The following ROR1 variants were observed in gnomAD, a reference collection of about 807,000 sequenced individuals.
The protein encoded by ROR1 is inactive tyrosine-protein kinase transmembrane receptor ROR1.
ROR1 carries 19 observed loss-of-function variants against 78.8 expected under a neutral mutation model. The ratio of observed to expected loss-of-function variants is 0.24; its 90% confidence interval spans 0.17 to 0.35. The LOEUF is 0.35. Ranked by LOEUF, ROR1 falls within the 10% of genes least tolerant of loss-of-function variation. ROR1 has a pLI of 1.00. For missense variants in ROR1, 917 were observed against 1,177.8 expected (o/e 0.78, Z 3.24); for synonymous variants, 386 against 433.6 (o/e 0.89, Z 1.36).
intron 1 of ROR1, among the ~76,000 whole-genome samples, chr1:63,868,127 G>GTTT (rs146709078): frequency 3.8e-4 from 58 of 151,810 alleles, no homozygotes; most frequent in African/African-American, 1.2e-3. Context: ...TACTAGCGCA[G>GTTT]TTTTTGTTGT....
At chr1:64,027,731 A>G (rs116548871) in intron 2 of ROR1, among the ~76,000 whole-genome samples, 1,805 of 150,408 alleles carry the variant, frequency 0.012, 38 homozygotes, top group African/African-American at 0.043. Context: ...CTCTGTTGCC[A>G]GGCTGGAATG....
At chr1:63,821,937 G>T (rs1385434248) in intron 1 of ROR1, among the ~76,000 whole-genome samples, 1 of 152,142 alleles carries the variant, frequency 6.6e-6, no homozygotes, top group African/African-American at 2.4e-5. Flanking sequence ...TGGGATTTTG[G>T]TATTCCAGGT....
chr1:63,973,699 C>T (rs1414682379), intron 1 of ROR1, among the ~76,000 whole-genome samples: 5 of 152,116 alleles, frequency 3.3e-5, no homozygotes, highest in Non-Finnish European at 7.3e-5. Context: ...AAAACCCAAT[C>T]CCTGAACTTC....
At chr1:63,781,782 C>T (rs1423472535) in intron 1 of ROR1, among the ~76,000 whole-genome samples, 1 of 152,198 alleles carries the variant, frequency 6.6e-6, no homozygotes. Context: ...ATTTATCTGC[C>T]TCTAAAACCC....
intron 1 of ROR1, among the ~76,000 whole-genome samples, chr1:64,003,097 A>C (rs1207599082): frequency 1.3e-5 from 2 of 152,166 alleles, no homozygotes; most frequent in Non-Finnish European, 2.9e-5. Flanking sequence ...TAATAAAGGT[A>C]CCTACCTTAT....
intron 1 of ROR1, among the ~76,000 whole-genome samples, chr1:63,844,211 T>C (rs1645066615): frequency 6.6e-6 from 1 of 152,218 alleles, no homozygotes; most frequent in South Asian, 2.1e-4. Flanking sequence ...TATGGTTGTG[T>C]CTTTCCACTC....
chr1:64,095,949 A>G (rs1295318108), intron 4 of ROR1, among the ~76,000 whole-genome samples: 1 of 152,192 alleles, frequency 6.6e-6, no homozygotes, highest in Non-Finnish European at 1.5e-5. Context: ...TAGCTATGTT[A>G]ACAAAGATAT....
intron 1 of ROR1, among the ~76,000 whole-genome samples, chr1:64,005,361 C>T (rs1234490775): frequency 6.6e-6 from 1 of 152,170 alleles, no homozygotes; most frequent in African/African-American, 2.4e-5. Flanking sequence ...TTCTCATGAT[C>T]ACAAAATTAA....
At chr1:63,803,760 C>T (rs1214522115) in intron 1 of ROR1, among the ~76,000 whole-genome samples, 1 of 152,234 alleles carries the variant, frequency 6.6e-6, no homozygotes, top group Non-Finnish European at 1.5e-5. Flanking sequence ...TTGTTCATGG[C>T]AGCCTTGCTT....
chr1:64,003,865 T>G (rs1646407313), intron 1 of ROR1, among the ~76,000 whole-genome samples: 1 of 152,228 alleles, frequency 6.6e-6, no homozygotes, highest in African/African-American at 2.4e-5. Context: ...ACATCTAAAG[T>G]AACACTGAAA....
chr1:63,960,659 AG>A (rs1423629554), intron 1 of ROR1, among the ~76,000 whole-genome samples: 1 of 152,214 alleles, frequency 6.6e-6, no homozygotes, highest in Non-Finnish European at 1.5e-5. Flanking sequence ...ATTCCTGTCA[AG>A]GCTCCTTAAA....
At position 64,172,531 on chromosome 1, in the gene ROR1, C is replaced by T. The variant is rs141696069; in HGVS notation, c.1387-4897C>T. ...AATTGCCTTACAGCATATAATAAAC[C>T]GAGGCCATCTTGTCCTTCAACTAAT... On this transcript the variant is annotated intron_variant, in intron 8 of 8. Coordinates refer to ENST00000371079, the MANE Select transcript of ROR1 (RefSeq NM_005012.4). Among the ~76,000 whole-genome samples, 367 of 152,136 alleles carry T rather than the reference C, an allele frequency of 2.4e-3. 2 individuals are homozygous for T. The highest frequency in any genetic ancestry group is 3.9e-3 in the Admixed American group (60 of 15,272).
intron 4 of ROR1, among the ~76,000 whole-genome samples, chr1:64,081,384 T>G (rs1396222627): frequency 2.0e-5 from 3 of 152,208 alleles, no homozygotes; most frequent in African/African-American, 2.4e-5. Context: ...ATAGATTAAA[T>G]ATGACACATT....
intron 1 of ROR1, among the ~76,000 whole-genome samples, chr1:63,891,951 C>T (rs1256055832): frequency 1.3e-5 from 2 of 152,150 alleles, no homozygotes; most frequent in African/African-American, 2.4e-5. Context: ...ACCCAACCCC[C>T]ATAATGAATT....
Position 64,091,314 on chromosome 1 carries a change from T to G in ROR1, c.482+40598T>G, listed in dbSNP as rs6696802. ...CAGATTGTGCCCAGCCTTAAAACAA[T>G]AACATGTTTCTTTCACATTTCACAT... On this transcript the variant is annotated intron_variant, in intron 4 of 8. Transcript: ENST00000371079. Among the ~76,000 whole-genome samples, 314 of 152,138 alleles carry G rather than the reference T, an allele frequency of 2.1e-3. 2 individuals are homozygous for G. Among genetic ancestry groups the G allele is most frequent in the African/African-American group, 7.4e-3 (307 of 41,528 alleles).
At chr1:63,850,906 T>G (rs995549371) in intron 1 of ROR1, among the ~76,000 whole-genome samples, 2 of 152,188 alleles carry the variant, frequency 1.3e-5, no homozygotes, top group Admixed American at 1.3e-4. Context: ...GGCCAGTGAA[T>G]TCAGGGACCT....
At chr1:63,993,430 T>C (rs1646312278) in intron 1 of ROR1, among the ~76,000 whole-genome samples, 1 of 152,192 alleles carries the variant, frequency 6.6e-6, no homozygotes, top group Non-Finnish European at 1.5e-5. Context: ...AAACCACCAG[T>C]TCCCCTTCTC....
intron 4 of ROR1, among the ~76,000 whole-genome samples, chr1:64,097,485 C>A (rs566773653): frequency 4.5e-4 from 69 of 151,994 alleles, no homozygotes; most frequent in Admixed American, 1.7e-3. Flanking sequence ...TTAGGACATT[C>A]ACATTTTTAG....
intron 2 of ROR1, among the ~76,000 whole-genome samples, chr1:64,047,404 T>C (rs1374087595): frequency 6.6e-6 from 1 of 152,216 alleles, no homozygotes; most frequent in African/African-American, 2.4e-5. Context: ...CTGTTTATTA[T>C]TTTGGTTTTT....
Sources: allele counts gnomAD v4.1 joint callset (sites outside exome capture counted in the v4.1 genomes callset), GRCh38; gene constraint gnomAD v4.1.1; transcripts MANE v1.5; gene names NCBI Gene and HGNC (gene_info 2026-07-23, HGNC 2026-07-21).